ZNF398: variants seen among roughly 807,000 people sequenced by gnomAD.
ZNF398 encodes the protein zinc finger DNA binding protein ZER6.
A neutral mutation model predicts 41.9 loss-of-function variants in ZNF398; 18 were observed. The ratio of observed to expected loss-of-function variants is 0.43; its 90% confidence interval spans 0.30 to 0.64. The LOEUF is 0.64. Ranked by LOEUF, ZNF398 falls within the 30% of genes least tolerant of loss-of-function variation. The pLI, the probability that ZNF398 is intolerant of heterozygous loss-of-function variation, is 0.14. For synonymous variants in ZNF398, 260 were observed against 308.8 expected (o/e 0.84, Z 1.66); for missense variants, 669 against 822.8 (o/e 0.81, Z 2.29).
chr7:149,168,163 C>G (rs925250228), intron 4 of ZNF398, among the ~76,000 whole-genome samples: 2 of 152,084 alleles, frequency 1.3e-5, no homozygotes, highest in African/African-American at 2.4e-5. Context: ...ACTGCAACCT[C>G]CACCTCCTGG....
At chr7:149,162,823 C>T (rs992575139) in intron 2 of ZNF398, among the ~76,000 whole-genome samples, 6 of 150,266 alleles carry the variant, frequency 4.0e-5, no homozygotes, top group East Asian at 2.0e-4. Flanking sequence ...TTTGGGAGGC[C>T]GAGGTGGGCA....
chr7:149,173,500 A>C (rs1386640564), intron 4 of ZNF398, among the ~76,000 whole-genome samples: 1 of 152,034 alleles, frequency 6.6e-6, no homozygotes, highest in East Asian at 1.9e-4. Context: ...ATGCAATAAG[A>C]CTTCAAAGTA....
chr7:149,166,686 G>T lies in ZNF398; in HGVS notation c.548-131G>T. The T allele has an allele frequency of 4.8e-6, 3 of 620,676 alleles. No individual in the cohort carries two copies. In the South Asian group the frequency reaches 5.8e-5, roughly 12 times the overall value. 38.4% of individuals were successfully genotyped at this position (620,676 alleles called of 1,614,324 possible). ...ACAGCTGAAGATGGATAGATGGGAA[G>T]AAGTGATATGAAATCTAAAAGAAAT... On this transcript the variant is annotated intron_variant, in intron 3 of 5. Transcript: ENST00000475153.
intron 4 of ZNF398, among the ~76,000 whole-genome samples, chr7:149,168,327 C>T (rs953714472): frequency 6.6e-6 from 1 of 152,082 alleles, no homozygotes; most frequent in Non-Finnish European, 1.5e-5. Flanking sequence ...ATCTGCCTGC[C>T]TTGGCCTACC....
At chr7:149,176,830 C>T (rs148210762) in intron 5 of ZNF398, among the ~76,000 whole-genome samples, 6 of 152,108 alleles carry the variant, frequency 3.9e-5, no homozygotes, top group Non-Finnish European at 7.4e-5. Flanking sequence ...TGCATACAGA[C>T]GAACCAAAAT....
chr7:149,174,866 A>C lies in ZNF398; in HGVS notation c.662-1602A>C, dbSNP rs571926705. 8.5e-5 allele frequency among the ~76,000 whole-genome samples: 13 copies of C among 152,280 alleles called. No homozygotes were observed. The South Asian group carries it at 2.7e-3, about 32-fold the overall frequency. ...AACAAAAGTCAGATGTTTTGAATGG[A>C]AAGTTAATCCTCTGGATATCGGTTC... On this transcript the variant is annotated intron_variant, in intron 4 of 5. Coordinates refer to ENST00000475153, the MANE Select transcript of ZNF398 (RefSeq NM_170686.3).
At chr7:149,141,907 AG>A in intron 2 of ZNF398, among the ~76,000 whole-genome samples, 1 of 152,256 alleles carries the variant, frequency 6.6e-6, no homozygotes, top group East Asian at 1.9e-4. Context: ...CAGACTTTAG[AG>A]CATGCTTTTA....
chr7:149,127,573 C>T (rs1204338323), intron 1 of ZNF398, among the ~76,000 whole-genome samples: 4 of 85,848 alleles, frequency 4.7e-5, no homozygotes, highest in African/African-American at 1.3e-4. Context: ...AAAAAATAGC[C>T]GAGCGTTGTG....
chr7:149,149,629 G>A (rs1827061078), intron 1 of ZNF398, among the ~76,000 whole-genome samples: 1 of 152,078 alleles, frequency 6.6e-6, no homozygotes, highest in African/African-American at 2.4e-5. Flanking sequence ...CTTTAGCCCA[G>A]GAGTTGAAGA....
chr7:149,136,397 G>A (rs541663405), intron 2 of ZNF398, among the ~76,000 whole-genome samples: 3 of 152,108 alleles, frequency 2.0e-5, no homozygotes, highest in African/African-American at 2.4e-5. Context: ...ACGGGTTGGC[G>A]GCCGGGCAGA....
chr7:149,166,777 A>G (rs766974305), intron 3 of ZNF398, 40 bp from the exon 4 acceptor site: 3 of 1,442,068 alleles, frequency 2.1e-6, no homozygotes, highest in Non-Finnish European at 1.9e-6. Flanking sequence ...ATCCTCATTT[A>G]TCTCTTTGTA....
intron 2 of ZNF398, among the ~76,000 whole-genome samples, chr7:149,142,264 G>T (rs916491813): frequency 1.1e-4 from 16 of 151,982 alleles, no homozygotes; most frequent in Non-Finnish European, 1.2e-4. Flanking sequence ...TGCACCAAAA[G>T]GTTAATGAAA....
intron 5 of ZNF398, 49 bp from the exon 6 acceptor site, chr7:149,178,599 C>G (rs751650849): frequency 1.3e-6 from 2 of 1,494,598 alleles, no homozygotes; most frequent in East Asian, 2.3e-5. Context: ...ATGAGAGTTG[C>G]TAGTGAGACA....
intron 2 of ZNF398, among the ~76,000 whole-genome samples, chr7:149,131,484 G>A (rs1031382984): frequency 3.9e-5 from 6 of 152,132 alleles, no homozygotes; most frequent in Non-Finnish European, 8.8e-5. Flanking sequence ...TCAGGAGATT[G>A]AGACAATCCT....
chr7:149,133,678 T>TATATATATATATATATACATACAC (rs1483673161), intron 2 of ZNF398, among the ~76,000 whole-genome samples: 1 of 67,024 alleles, frequency 1.5e-5, no homozygotes, highest in African/African-American at 6.1e-5. Context: ...TATATATATA[T>TATATATATATATATATACATACAC]ACATATATAT....
intron 2 of ZNF398, among the ~76,000 whole-genome samples, chr7:149,133,606 C>T (rs1404145206): frequency 6.9e-6 from 1 of 145,364 alleles, no homozygotes; most frequent in African/African-American, 2.5e-5. Flanking sequence ...TCTGGGATTA[C>T]AGGGGTGAGC....
intron 4 of ZNF398, among the ~76,000 whole-genome samples, 155 bp downstream of exon 4, chr7:149,167,085 C>A (rs1217664490): frequency 6.6e-6 from 1 of 152,164 alleles, no homozygotes; most frequent in East Asian, 1.9e-4. Context: ...TAAAAGGGAG[C>A]TTAGAGGTCA....
Position 149,155,727 on chromosome 7 carries a change from T to TTA in ZNF398, c.420+1388_420+1389insAT, listed in dbSNP as rs1563159593. 2.1e-3 allele frequency among the ~76,000 whole-genome samples: 132 copies of TTA among 62,900 alleles called. 1 individual carries two copies. The highest frequency in any genetic ancestry group is 6.0e-3 in the African/African-American group (114 of 19,072). 41.3% of individuals were successfully genotyped at this position (62,900 alleles called of 152,430 possible). A position where few individuals can be genotyped will look rare whatever the true frequency, so the allele number is the denominator to read the frequency against. On this transcript the variant is annotated intron_variant, in intron 2 of 5. Transcript: ENST00000475153. ...TATATATTTTTTTTTTTTTTTTTTT[T>TTA]TTAATTTTTTTTTTTTTGAGATGGA...
At chr7:149,167,659 G>T (rs1335559256) in intron 4 of ZNF398, among the ~76,000 whole-genome samples, 2 of 143,820 alleles carry the variant, frequency 1.4e-5, no homozygotes, top group Non-Finnish European at 3.0e-5. Context: ...TTTTGAGACG[G>T]AGTCTTGCTC....
Sources: gnomAD v4.1 joint callset for allele counts (sites outside exome capture counted in the v4.1 genomes callset) on GRCh38, gnomAD v4.1.1 for gene constraint, MANE v1.5 for transcripts, NCBI Gene and HGNC (gene_info 2026-07-23, HGNC 2026-07-21) for gene names.